CNTNAP4: variants seen among roughly 807,000 people sequenced by gnomAD.
The protein encoded by CNTNAP4 is contactin associated protein family member 4.
A neutral mutation model predicts 148.4 loss-of-function variants in CNTNAP4; 98 were observed. That is an observed-to-expected ratio of 0.66 (90% CI 0.56 to 0.78). The LOEUF (loss-of-function observed/expected upper bound fraction) is 0.78. Among genes scored for constraint, CNTNAP4 ranks in the 30% least tolerant of loss-of-function variants. The pLI is 0.00. For missense variants in CNTNAP4, 1,935 were observed against 1,565.6 expected, an observed-to-expected ratio of 1.24 and a Z score of -3.98; for synonymous variants, 730 against 565.1, an observed-to-expected ratio of 1.29 and a Z score of -4.14.
chr16:76,301,375 C>T (rs947940874), intron 1 of CNTNAP4, among the ~76,000 whole-genome samples: 13 of 151,892 alleles, frequency 8.6e-5, no homozygotes, highest in African/African-American at 2.9e-4. Context: ...GTGTTTGAGG[C>T]CAAAAGTGGT....
At chr16:76,372,138 A>AT (rs35343278) in intron 3 of CNTNAP4, among the ~76,000 whole-genome samples, 43,272 of 125,540 alleles carry the variant, frequency 0.34, 8,485 homozygotes, top group African/African-American at 0.38. Context: ...TCCAGCCCAA[A>AT]TTTTTTTTTT....
intron 4 of CNTNAP4, among the ~76,000 whole-genome samples, chr16:76,431,535 C>A (rs953998796): frequency 6.6e-6 from 1 of 152,082 alleles, no homozygotes; most frequent in Admixed American, 6.6e-5. Context: ...AAAAATTAGC[C>A]GGGCGTGGCA....
At chr16:76,409,761 T>C (rs1443029092) in intron 3 of CNTNAP4, among the ~76,000 whole-genome samples, 3 of 151,952 alleles carry the variant, frequency 2.0e-5, no homozygotes, top group African/African-American at 7.2e-5. Flanking sequence ...TCAAAGCATA[T>C]AGAGAGGCGT....
At chr16:76,504,892 G>A (rs572082703) in intron 15 of CNTNAP4, among the ~76,000 whole-genome samples, 16 of 152,094 alleles carry the variant, frequency 1.1e-4, no homozygotes, top group South Asian at 2.1e-4. Context: ...ATGCAAACTC[G>A]TACCACAATG....
intron 10 of CNTNAP4, among the ~76,000 whole-genome samples, chr16:76,473,828 C>G (rs183241992): frequency 2.8e-4 from 32 of 112,950 alleles, no homozygotes; most frequent in Non-Finnish European, 5.4e-4. Flanking sequence ...ATATTCTTGG[C>G]AGGTTTTGTA....
chr16:76,516,372 T>C (rs575914069), intron 15 of CNTNAP4, among the ~76,000 whole-genome samples: 198 of 152,302 alleles, frequency 1.3e-3, no homozygotes, highest in Non-Finnish European at 2.0e-3. Context: ...TTCCAAGTCT[T>C]TGCCATTGTA....
At chr16:76,302,144 A>G (rs1960035191) in intron 1 of CNTNAP4, among the ~76,000 whole-genome samples, 1 of 152,164 alleles carries the variant, frequency 6.6e-6, no homozygotes, top group Non-Finnish European at 1.5e-5. Flanking sequence ...TTTCAGCTTC[A>G]GTGGCGAGGC....
intron 4 of CNTNAP4, among the ~76,000 whole-genome samples, chr16:76,429,088 C>G (rs2079523784): frequency 6.6e-6 from 1 of 152,176 alleles, no homozygotes; most frequent in South Asian, 2.1e-4. Context: ...TAACCTCTCA[C>G]TATCTGTCCG....
intron 3 of CNTNAP4, among the ~76,000 whole-genome samples, chr16:76,360,733 C>T (rs1012071332): frequency 9.2e-5 from 14 of 151,898 alleles, no homozygotes; most frequent in Admixed American, 2.0e-4. Flanking sequence ...AGGAAGTTTC[C>T]TGTTTATATT....
At chr16:76,513,388 G>A (rs1327416591) in intron 15 of CNTNAP4, among the ~76,000 whole-genome samples, 1 of 152,088 alleles carries the variant, frequency 6.6e-6, no homozygotes. Context: ...TGTGATCGCA[G>A]AGGAGCATTG....
intron 3 of CNTNAP4, among the ~76,000 whole-genome samples, chr16:76,367,668 T>C (rs1203363970): frequency 6.6e-6 from 1 of 152,172 alleles, no homozygotes; most frequent in Non-Finnish European, 1.5e-5. Context: ...GCATAATAGA[T>C]GTTCAGCTAT....
At chr16:76,527,979 A>C (rs189057538) in intron 17 of CNTNAP4, among the ~76,000 whole-genome samples, 2 of 152,274 alleles carry the variant, frequency 1.3e-5, no homozygotes, top group East Asian at 3.9e-4. Flanking sequence ...TCCAGCATTA[A>C]GTAGTTTTGT....
intron 3 of CNTNAP4, among the ~76,000 whole-genome samples, chr16:76,395,538 A>G (rs1281740442): frequency 6.6e-6 from 1 of 151,950 alleles, no homozygotes; most frequent in Non-Finnish European, 1.5e-5. Flanking sequence ...TGCTGGTATT[A>G]CAGGCGTGAG....
intron 3 of CNTNAP4, among the ~76,000 whole-genome samples, chr16:76,407,987 G>A (rs564559342): frequency 2.0e-5 from 3 of 151,860 alleles, no homozygotes; most frequent in Non-Finnish European, 4.4e-5. Flanking sequence ...AGTCAGCAGC[G>A]ATCAATATCG....
intron 2 of CNTNAP4, among the ~76,000 whole-genome samples, chr16:76,331,503 G>GT (rs113105251): frequency 0.017 from 2,424 of 143,452 alleles, 28 homozygotes; most frequent in African/African-American, 0.034. Context: ...TTTCTTTCAA[G>GT]TTTTTTTTTT....
intron 17 of CNTNAP4, among the ~76,000 whole-genome samples, chr16:76,523,093 C>A (rs1297480605): frequency 2.0e-5 from 3 of 151,974 alleles, no homozygotes; most frequent in African/African-American, 7.2e-5. Context: ...TTACAGGTTA[C>A]ATGATTGGTT....
intron 13 of CNTNAP4, among the ~76,000 whole-genome samples, chr16:76,493,620 T>C (rs1298681145): frequency 6.6e-6 from 1 of 152,202 alleles, no homozygotes; most frequent in African/African-American, 2.4e-5. Context: ...TATTTTTCTT[T>C]TTAATCTATG....
At chr16:76,431,367 G>A (rs2079598132) in intron 4 of CNTNAP4, among the ~76,000 whole-genome samples, 1 of 152,074 alleles carries the variant, frequency 6.6e-6, no homozygotes, top group African/African-American at 2.4e-5. Context: ...CCCCAAGCTA[G>A]AGGAACAGCA....
At chr16:76,552,571 G>A (rs2085000355) in intron 21 of CNTNAP4, among the ~76,000 whole-genome samples, 1 of 152,134 alleles carries the variant, frequency 6.6e-6, no homozygotes, top group South Asian at 2.1e-4. Context: ...TTATTAATAG[G>A]AGGAAGAGAT....
Sources: gnomAD v4.1 joint callset for allele counts (sites outside exome capture counted in the v4.1 genomes callset) on GRCh38, gnomAD v4.1.1 for gene constraint, MANE v1.5 for transcripts, NCBI Gene and HGNC (gene_info 2026-07-23, HGNC 2026-07-21) for gene names.